The following FHIT variants were observed in gnomAD, a reference collection of about 807,000 sequenced individuals.
The protein encoded by FHIT is fragile histidine triad diadenosine triphosphatase, also known as bis(5'-adenosyl)-triphosphatase.
Under a neutral mutation model 17.9 loss-of-function variants are expected in FHIT, and 19 were observed. The observed-to-expected ratio is 1.06, with a 90% confidence interval of 0.74 to 1.56. The LOEUF (loss-of-function observed/expected upper bound fraction) is 1.56, where lower values mean the gene tolerates loss of function less well. Ranked by LOEUF, FHIT falls within the 40% of genes most tolerant of loss-of-function variation. FHIT has a pLI of 0.00. For synonymous variants in FHIT, 81 were observed against 69.7 expected (o/e 1.16, Z -0.81); for missense variants, 248 against 189.2 (o/e 1.31, Z -1.82).
At chr3:60,375,254 G>A (rs1285800304) in intron 5 of FHIT, among the ~76,000 whole-genome samples, 2 of 151,974 alleles carry the variant, frequency 1.3e-5, no homozygotes, top group African/African-American at 4.8e-5. Flanking sequence ...GTAGAACTTG[G>A]TTTTGTATCA....
At chr3:60,317,543 T>A (rs987942719) in intron 5 of FHIT, among the ~76,000 whole-genome samples, 1 of 148,860 alleles carries the variant, frequency 6.7e-6, no homozygotes, top group Non-Finnish European at 1.5e-5. Context: ...GCTAATATAT[T>A]GGAAATATAT....
intron 5 of FHIT, among the ~76,000 whole-genome samples, chr3:60,283,871 G>T (rs1431009539): frequency 6.6e-6 from 1 of 152,020 alleles, no homozygotes; most frequent in African/African-American, 2.4e-5. Flanking sequence ...AATAAAAGAA[G>T]TTTCTAGGGC....
chr3:61,210,130 A>T (rs1487190782), intron 1 of FHIT, among the ~76,000 whole-genome samples: 29 of 152,248 alleles, frequency 1.9e-4, no homozygotes, highest in Non-Finnish European at 3.2e-4. Context: ...AACAGCGGAT[A>T]TTGATGAACC....
chr3:60,602,971 A>C (rs1183411437), intron 4 of FHIT, among the ~76,000 whole-genome samples: 1 of 152,184 alleles, frequency 6.6e-6, no homozygotes, highest in African/African-American at 2.4e-5. Context: ...TATAACTGCA[A>C]GAAATATATT....
chr3:59,787,481 A>AACACACACACACACACACAC (rs58100812), intron 8 of FHIT, among the ~76,000 whole-genome samples: 1 of 142,400 alleles, frequency 7.0e-6, no homozygotes, highest in Admixed American at 7.1e-5. Context: ...CAAGGGGCAA[A>AACACACACACACACACACAC]ACACACACAC....
At chr3:60,833,235 G>A (rs1702396230) in intron 3 of FHIT, among the ~76,000 whole-genome samples, 1 of 152,182 alleles carries the variant, frequency 6.6e-6, no homozygotes, top group African/African-American at 2.4e-5. Flanking sequence ...CACGAGCCCT[G>A]TAGTTGGTCC....
intron 5 of FHIT, among the ~76,000 whole-genome samples, chr3:60,303,125 T>C (rs1247419964): frequency 6.6e-6 from 1 of 152,118 alleles, no homozygotes; most frequent in African/African-American, 2.4e-5. Context: ...TGGAAACCAC[T>C]TTCTCCCACA....
At position 61,205,248 on chromosome 3, in the gene FHIT, T is replaced by A. The variant is rs1423419974; in HGVS notation, c.-212-4583A>T. Among the ~76,000 whole-genome samples the A allele has an allele frequency of 2.0e-5, 3 of 152,106 alleles. No individual in the cohort carries two copies. The South Asian group carries it at 6.2e-4, about 32-fold the overall frequency. On this transcript the variant is annotated intron_variant, in intron 1 of 9. Coordinates refer to ENST00000492590, the MANE Select transcript of FHIT (RefSeq NM_002012.4). The stretch of plus-strand genomic sequence containing the variant: ...GTTGGACATTTGGGTCGGTTCCAAG[T>A]CTTTGCTATTGTGAATAGTGCCACA...
At chr3:60,696,812 G>T (rs2041123460) in intron 4 of FHIT, among the ~76,000 whole-genome samples, 1 of 152,152 alleles carries the variant, frequency 6.6e-6, no homozygotes. Flanking sequence ...TTAGGTTGAA[G>T]ATGTGATTTA....
chr3:60,159,213 T>C (rs1031904829), intron 5 of FHIT, among the ~76,000 whole-genome samples: 1 of 152,070 alleles, frequency 6.6e-6, no homozygotes, highest in African/African-American at 2.4e-5. Context: ...CTCAACCTCC[T>C]GGGCTCAGAT....
chr3:61,090,143 T>G (rs2035435214), intron 2 of FHIT, among the ~76,000 whole-genome samples: 1 of 152,312 alleles, frequency 6.6e-6, no homozygotes, highest in African/African-American at 2.4e-5. Flanking sequence ...CCCCCCAAAA[T>G]AGTGAATGAT....
At chr3:60,666,336 C>G (rs2040381374) in intron 4 of FHIT, among the ~76,000 whole-genome samples, 1 of 152,090 alleles carries the variant, frequency 6.6e-6, no homozygotes. Flanking sequence ...TTTATTTCCT[C>G]TTCACTCTGG....
At chr3:61,108,263 C>A (rs935575620) in intron 2 of FHIT, among the ~76,000 whole-genome samples, 7 of 152,074 alleles carry the variant, frequency 4.6e-5, no homozygotes, top group South Asian at 4.1e-4. Flanking sequence ...ACAACAGGAG[C>A]TTTCTGCTTT....
chr3:60,363,003 TGAAAA>T (rs1320304401), intron 5 of FHIT, among the ~76,000 whole-genome samples: 1 of 152,092 alleles, frequency 6.6e-6, no homozygotes. Context: ...ATCTAGCAAT[TGAAAA>T]GGAAAGACGC....
chr3:59,792,112 G>A (rs895858372), intron 8 of FHIT, among the ~76,000 whole-genome samples: 5 of 149,664 alleles, frequency 3.3e-5, no homozygotes, highest in African/African-American at 9.9e-5. Context: ...TGTGTCAAAT[G>A]GAATGACTAA....
At chr3:60,410,526 A>G (rs1702023898) in intron 5 of FHIT, among the ~76,000 whole-genome samples, 1 of 152,202 alleles carries the variant, frequency 6.6e-6, no homozygotes, top group South Asian at 2.1e-4. Flanking sequence ...TAAATTTCCA[A>G]AGTATTCACA....
intron 5 of FHIT, among the ~76,000 whole-genome samples, chr3:60,243,984 T>C (rs547522899): frequency 6.6e-6 from 1 of 152,158 alleles, no homozygotes; most frequent in African/African-American, 2.4e-5. Flanking sequence ...ATGGTTTGTA[T>C]AGCTGAAAAA....
intron 5 of FHIT, among the ~76,000 whole-genome samples, chr3:60,502,945 C>T (rs1389329838): frequency 1.3e-5 from 2 of 152,158 alleles, no homozygotes; most frequent in South Asian, 2.1e-4. Flanking sequence ...GACTGTGACA[C>T]ATTAGTAATA....
chr3:61,059,820 G>A (rs768723112), intron 2 of FHIT, among the ~76,000 whole-genome samples: 4 of 152,148 alleles, frequency 2.6e-5, no homozygotes, highest in Non-Finnish European at 2.9e-5. Context: ...TTATAACACC[G>A]ACAGAAAATA....
Sources: gnomAD v4.1 joint callset for allele counts (sites outside exome capture counted in the v4.1 genomes callset) on GRCh38, gnomAD v4.1.1 for gene constraint, MANE v1.5 for transcripts, NCBI Gene and HGNC (gene_info 2026-07-23, HGNC 2026-07-21) for gene names.